SORCS2: variants seen among roughly 807,000 people sequenced by gnomAD.
The protein encoded by SORCS2 is sortilin related VPS10 domain containing receptor 2.
Under a neutral mutation model 141.6 loss-of-function variants are expected in SORCS2, and 100 were observed. That is an observed-to-expected ratio of 0.71 (90% CI 0.60 to 0.83). The LOEUF (loss-of-function observed/expected upper bound fraction) is 0.83, where lower values mean the gene tolerates loss of function less well. Ranked by LOEUF, SORCS2 falls within the 40% of genes least tolerant of loss-of-function variation. The pLI is 0.00. For synonymous variants in SORCS2, 789 were observed against 676.9 expected, an observed-to-expected ratio of 1.17 and a Z score of -2.57; for missense variants, 1,646 against 1,560.2, an observed-to-expected ratio of 1.05 and a Z score of -0.93.
rs1174026631 is a variant in SORCS2, at chr4:7,599,739, G to T, written c.649-38589G>T. ...GGGGCTGTGAGAGGTGAAATTGCAGGGCAGGTGTGGGCTGGGTGTGCAGGG... is the reference window on the plus strand; with the variant it reads ...GGGGCTGTGAGAGGTGAAATTGCAGTGCAGGTGTGGGCTGGGTGTGCAGGG... On this transcript the variant is annotated intron_variant, in intron 3 of 26. Coordinates refer to ENST00000507866, the MANE Select transcript of SORCS2 (RefSeq NM_020777.3). Among the ~76,000 whole-genome samples, 8 of 152,264 alleles carry T rather than the reference G, an allele frequency of 5.3e-5. No homozygotes were observed. The East Asian group carries it at 1.5e-3, about 29-fold the overall frequency.
chr4:7,577,676 G>A (rs550034778), intron 3 of SORCS2, among the ~76,000 whole-genome samples: 1 of 147,490 alleles, frequency 6.8e-6, no homozygotes, highest in African/African-American at 2.5e-5. Context: ...ATAGCATACA[G>A]GTGAGGTCAG....
rs1726764892 is a variant in SORCS2 at position 7,723,762 on chromosome 4, C to A, written c.2490C>A (p.Asn830Lys). The change falls in exon 19 of 27, where the codon AAC becomes AAA. Residue 830 changes from asparagine to lysine, a missense_variant. Transcript: ENST00000507866. ...ACGGCTTCAAGGCCATGTACGTGAA[C>A]CTTACACTGACCGGGGAGCCCATCC... ...LGDGFKAMYV[N>K]LTLTGEPIRH... 1 of 1,614,018 alleles carries A rather than the reference C, an allele frequency of 6.2e-7. No individual in the cohort carries two copies. Among genetic ancestry groups the A allele is most frequent in the Non-Finnish European group, 8.5e-7 (1 of 1,179,902 alleles).
chr4:7,209,687 T>G (rs1166523656), intron 1 of SORCS2, among the ~76,000 whole-genome samples: 3 of 151,934 alleles, frequency 2.0e-5, no homozygotes, highest in Non-Finnish European at 4.4e-5. Context: ...CTGTTTTTTT[T>G]TTTTTAATCT....
intron 1 of SORCS2, among the ~76,000 whole-genome samples, chr4:7,204,997 G>T (rs1195859904): frequency 6.6e-6 from 1 of 152,226 alleles, no homozygotes; most frequent in African/African-American, 2.4e-5. Context: ...TCATTGACCA[G>T]TTAAGTAATT....
intron 1 of SORCS2, among the ~76,000 whole-genome samples, chr4:7,391,743 T>C (rs533063362): frequency 6.6e-6 from 1 of 152,250 alleles, no homozygotes; most frequent in South Asian, 2.1e-4. Flanking sequence ...TGAACCTCAG[T>C]TTCCTTATTT....
At chr4:7,609,863 C>G (rs1718295775) in intron 3 of SORCS2, among the ~76,000 whole-genome samples, 1 of 152,238 alleles carries the variant, frequency 6.6e-6, no homozygotes, top group Admixed American at 6.5e-5. Flanking sequence ...TGGAGTCTGC[C>G]TAACCCCAAA....
chr4:7,275,202 A>G (rs60899356), intron 1 of SORCS2, among the ~76,000 whole-genome samples: 14,723 of 152,132 alleles, frequency 0.097, 892 homozygotes, highest in East Asian at 0.2. Context: ...GAAAGATGAT[A>G]TAGCTGCATC....
intron 2 of SORCS2, among the ~76,000 whole-genome samples, chr4:7,525,746 C>T (rs1733632381): frequency 8.8e-6 from 1 of 113,382 alleles, no homozygotes; most frequent in African/African-American, 3.6e-5. Flanking sequence ...CCTGCAGTCA[C>T]CTGTGCCCTC....
intron 8 of SORCS2, among the ~76,000 whole-genome samples, chr4:7,674,578 TA>T (rs377431157): frequency 0.041 from 3,354 of 82,340 alleles, 85 homozygotes; most frequent in African/African-American, 0.11. Flanking sequence ...TGTCTCAAAA[TA>T]AAAAAAAAAA....
chr4:7,566,005 TG>T (rs1278458912), intron 3 of SORCS2, among the ~76,000 whole-genome samples: 5 of 2,608 alleles, frequency 1.9e-3, no homozygotes, highest in Admixed American at 6.8e-3. Context: ...GTGATGATGG[TG>T]ATAATGATGG....
intron 3 of SORCS2, among the ~76,000 whole-genome samples, chr4:7,635,921 GGAAA>G (rs1231759927): frequency 9.6e-4 from 146 of 152,274 alleles, no homozygotes; most frequent in African/African-American, 3.0e-3. Context: ...AGCTTTCCCT[GGAAA>G]GAAAGAATCT....
intron 2 of SORCS2, among the ~76,000 whole-genome samples, chr4:7,448,323 A>G (rs1039518764): frequency 1.3e-5 from 2 of 151,954 alleles, no homozygotes; most frequent in African/African-American, 4.8e-5. Flanking sequence ...TGCGCCGGCC[A>G]GGCACAGAGA....
chr4:7,731,968 G>C (rs1355117417), intron 23 of SORCS2, among the ~76,000 whole-genome samples: 1 of 152,170 alleles, frequency 6.6e-6, no homozygotes, highest in Non-Finnish European at 1.5e-5. Flanking sequence ...CAAACCAAGA[G>C]ACCCTTGCAC....
At chr4:7,342,112 T>C (rs1336049685) in intron 1 of SORCS2, among the ~76,000 whole-genome samples, 4 of 152,212 alleles carry the variant, frequency 2.6e-5, no homozygotes, top group Non-Finnish European at 5.9e-5. Context: ...TGATGAACAA[T>C]TGTGTTGTCC....
chr4:7,403,955 A>ATGTG (rs750036945), intron 2 of SORCS2, among the ~76,000 whole-genome samples: 1,023 of 83,282 alleles, frequency 0.012, 36 homozygotes, highest in Non-Finnish European at 0.02. Flanking sequence ...CTCTGCCTCC[A>ATGTG]TGTGTGTATA....
Position 7,290,811 on chromosome 4 carries a change from C to CATTCATTT in SORCS2, c.480+97692_480+97693insTATTCATT, listed in dbSNP as rs1283510700. Among the ~76,000 whole-genome samples the CATTCATTT allele has an allele frequency of 3.3e-5, 5 of 152,248 alleles. No homozygotes were observed. In the East Asian group the frequency reaches 9.6e-4, roughly 29 times the overall value. Reference sequence around the variant, plus strand: ...GGCTGCATTCTTTCATTCATTCATTCATTCATTCAGTGAATGTAGGTTAAG... The same window carrying CATTCATTT: ...GGCTGCATTCTTTCATTCATTCATTCATTCATTTATTCATTCAGTGAATGTAGGTTAAG... On this transcript the variant is annotated intron_variant, in intron 1 of 26. Transcript: ENST00000507866.
chr4:7,664,907 T>C lies in SORCS2; in HGVS notation c.1071+436T>C, dbSNP rs1722407487. Among the ~76,000 whole-genome samples, 1 of 152,190 alleles carries C rather than the reference T, an allele frequency of 6.6e-6. No individual in the cohort carries two copies. The highest frequency in any genetic ancestry group is 1.9e-4 in the East Asian group (1 of 5,194). Reference sequence around the variant, plus strand: ...CAAGTGGGCCCACCCTCAGCAGCCATGTGGTCCCAGCTAATTCAGAAACTC... The same window carrying C: ...CAAGTGGGCCCACCCTCAGCAGCCACGTGGTCCCAGCTAATTCAGAAACTC... On this transcript the variant is annotated intron_variant, in intron 7 of 26. Transcript: ENST00000507866. The surrounding 1 kb of genome is among the most constrained non-coding windows in gnomAD (Gnocchi z 4.7).
chr4:7,536,689 A>G (rs1448743427), intron 3 of SORCS2, among the ~76,000 whole-genome samples: 1 of 152,220 alleles, frequency 6.6e-6, no homozygotes, highest in Non-Finnish European at 1.5e-5. Context: ...AGATATTTCA[A>G]TGTAATATGA....
intron 11 of SORCS2, among the ~76,000 whole-genome samples, chr4:7,690,612 G>A (rs1483172827): frequency 6.6e-6 from 1 of 151,966 alleles, no homozygotes; most frequent in Non-Finnish European, 1.5e-5. Context: ...GTGGATGGAT[G>A]GATGAGTGGA....
Sources: allele counts gnomAD v4.1 joint callset (sites outside exome capture counted in the v4.1 genomes callset), GRCh38; gene constraint gnomAD v4.1.1; non-coding constraint Gnocchi (gnomAD v3.1); transcripts MANE v1.5; gene names NCBI Gene and HGNC (gene_info 2026-07-23, HGNC 2026-07-21).